Variants in SP140L observed in about 807,000 individuals in gnomAD.
The protein encoded by SP140L is nuclear body protein SP140-like protein.
A neutral mutation model predicts 84.3 loss-of-function variants in SP140L; 64 were observed. The ratio of observed to expected loss-of-function variants is 0.76; its 90% confidence interval spans 0.62 to 0.94. The LOEUF (loss-of-function observed/expected upper bound fraction) is 0.94, where lower values mean the gene tolerates loss of function less well. Ranked by LOEUF, SP140L falls within the 40% of genes least tolerant of loss-of-function variation. The pLI is 0.00. For missense variants in SP140L, 628 were observed against 692.5 expected (o/e 0.91, Z 1.05); for synonymous variants, 242 against 236.9 (o/e 1.02, Z -0.20).
At chr2:230,356,511 A>C (rs1166534722) in intron 2 of SP140L, among the ~76,000 whole-genome samples, 1 of 152,236 alleles carries the variant, frequency 6.6e-6, no homozygotes, top group African/African-American at 2.4e-5. Context: ...ATTTATATGA[A>C]ATCCAAGAGC....
intron 1 of SP140L, 60 bp from the exon 2 acceptor site, chr2:230,328,697 G>T: frequency 6.3e-7 from 1 of 1,576,754 alleles, no homozygotes; most frequent in Non-Finnish European, 8.6e-7. Context: ...AAGTGGAATT[G>T]TTGAAGCAAA....
chr2:230,372,188 G>C (rs2061097922), intron 7 of SP140L: 1 of 156,240 alleles, frequency 6.4e-6, no homozygotes, highest in Admixed American at 6.3e-5. Context: ...TAATATATTT[G>C]TGTTGTTTTA....
chr2:230,366,380 C>T (rs2060870276), intron 5 of SP140L, among the ~76,000 whole-genome samples: 1 of 151,718 alleles, frequency 6.6e-6, no homozygotes, highest in African/African-American at 2.4e-5. Context: ...TAATGATCTT[C>T]TTTGTCTTGT....
chr2:230,379,570 G>T (rs867044367), intron 7 of SP140L, among the ~76,000 whole-genome samples: 3 of 151,860 alleles, frequency 2.0e-5, no homozygotes, highest in Admixed American at 2.0e-4. Context: ...ATCATTTTAT[G>T]TACTCACCAT....
intron 2 of SP140L, among the ~76,000 whole-genome samples, chr2:230,350,868 A>G (rs1010342492): frequency 6.6e-6 from 1 of 152,170 alleles, no homozygotes; most frequent in African/African-American, 2.4e-5. Context: ...ATAGATACAT[A>G]TATCTATGCT....
chr2:230,395,223 T>C (rs954286173), intron 13 of SP140L, among the ~76,000 whole-genome samples: 3 of 152,114 alleles, frequency 2.0e-5, no homozygotes, highest in African/African-American at 4.8e-5. Flanking sequence ...TATTCACCCA[T>C]TGAACATATA....
At position 230,389,913 on chromosome 2, in the gene SP140L, T is replaced by C. The variant is rs762444856; in HGVS notation, c.860-6T>C. ...TGAGACAGAATGAAGAAATCCTCTCTTTCAGCTTCAAGAAAGCACAAAGAT... is the reference window on the plus strand; with the variant it reads ...TGAGACAGAATGAAGAAATCCTCTCCTTCAGCTTCAAGAAAGCACAAAGAT... On this transcript the variant is annotated splice_region_variant and splice_polypyrimidine_tract_variant and intron_variant, in intron 10 of 18. Transcript: ENST00000415673. 6.2e-7 allele frequency: 1 copy of C among 1,613,498 alleles called. No homozygotes were observed. The highest frequency in any genetic ancestry group is 1.1e-5 in the South Asian group (1 of 91,048).
At chr2:230,328,088 C>T (rs1397463301) in intron 1 of SP140L, among the ~76,000 whole-genome samples, 1 of 152,154 alleles carries the variant, frequency 6.6e-6, no homozygotes. Context: ...GACAGGGTCT[C>T]ACTCTGTCAA....
intron 5 of SP140L, 150 bp downstream of exon 5, chr2:230,361,847 T>C: frequency 1.6e-6 from 1 of 627,938 alleles, no homozygotes; most frequent in Non-Finnish European, 2.8e-6. Context: ...TTGTATGAGC[T>C]CCTAATCAGA....
intron 5 of SP140L, among the ~76,000 whole-genome samples, chr2:230,366,472 T>C (rs2149752534): frequency 6.6e-6 from 1 of 152,046 alleles, no homozygotes; most frequent in South Asian, 2.1e-4. Flanking sequence ...GCGTGGAATA[T>C]TCACTTCTAT....
intron 12 of SP140L, among the ~76,000 whole-genome samples, chr2:230,393,164 A>G (rs1254543531): frequency 6.6e-6 from 1 of 152,218 alleles, no homozygotes; most frequent in Non-Finnish European, 1.5e-5. Context: ...ATTATGAATG[A>G]AAACCTCTTA....
At chr2:230,336,230 C>A (rs1204649124) in intron 2 of SP140L, among the ~76,000 whole-genome samples, 2 of 152,154 alleles carry the variant, frequency 1.3e-5, no homozygotes, top group African/African-American at 4.8e-5. Flanking sequence ...AGTCAAGGGT[C>A]CACAGCCAGT....
intron 2 of SP140L, among the ~76,000 whole-genome samples, chr2:230,341,878 A>C (rs966539432): frequency 2.0e-5 from 3 of 151,940 alleles, no homozygotes; most frequent in African/African-American, 7.3e-5. Flanking sequence ...TGCTGGGAGA[A>C]CCACTGCTCT....
intron 7 of SP140L, among the ~76,000 whole-genome samples, chr2:230,373,485 G>A (rs375023020): frequency 5.3e-5 from 8 of 152,274 alleles, no homozygotes; most frequent in African/African-American, 1.9e-4. Flanking sequence ...TACTCTGCCT[G>A]TGCTCTATAA....
chr2:230,401,359 T>G lies in SP140L; in HGVS notation c.1423-7T>G, dbSNP rs778343024. Reference sequence around the variant, plus strand: ...TGCTTTTCATTTACGGCCTCTTTCTTTTGCAGAAATGTGAGTTCCTCCTCT... The same window carrying G: ...TGCTTTTCATTTACGGCCTCTTTCTGTTGCAGAAATGTGAGTTCCTCCTCT... On this transcript the variant is annotated splice_polypyrimidine_tract_variant and splice_region_variant and intron_variant, in intron 16 of 18. Transcript: ENST00000415673. 1 of 1,570,326 alleles carries G rather than the reference T, an allele frequency of 6.4e-7. No individual in the cohort carries two copies. Among genetic ancestry groups the G allele is most frequent in the Admixed American group, 1.9e-5 (1 of 51,842 alleles).
At chr2:230,355,892 A>C (rs1325987577) in intron 2 of SP140L, among the ~76,000 whole-genome samples, 1 of 152,160 alleles carries the variant, frequency 6.6e-6, no homozygotes, top group Non-Finnish European at 1.5e-5. Flanking sequence ...GAAGCTACAG[A>C]CTGGGTGAAA....
intron 12 of SP140L, among the ~76,000 whole-genome samples, 185 bp downstream of exon 12, chr2:230,392,414 T>G (rs2149811704): frequency 6.6e-6 from 1 of 152,260 alleles, no homozygotes; most frequent in Middle Eastern, 3.4e-3. Context: ...CACACTGATG[T>G]TGTACCAGGG....
chr2:230,382,376 A>T (rs2061439620), intron 7 of SP140L, among the ~76,000 whole-genome samples: 1 of 151,994 alleles, frequency 6.6e-6, no homozygotes, highest in Admixed American at 6.6e-5. Context: ...AGATATCACC[A>T]ATGCTCCTGC....
At chr2:230,395,789 C>T (rs970054683) in intron 13 of SP140L, among the ~76,000 whole-genome samples, 6 of 152,166 alleles carry the variant, frequency 3.9e-5, no homozygotes, top group African/African-American at 1.4e-4. Context: ...GGGAAAGGTG[C>T]CAACTCCTGC....
Sources: allele counts gnomAD v4.1 joint callset (sites outside exome capture counted in the v4.1 genomes callset), GRCh38; gene constraint gnomAD v4.1.1; transcripts MANE v1.5; gene names NCBI Gene and HGNC (gene_info 2026-07-23, HGNC 2026-07-21).